HID1: variants seen among roughly 807,000 people sequenced by gnomAD.
HID1 encodes protein HID1.
HID1 carries 42 observed loss-of-function variants against 89.7 expected under a neutral mutation model. That is an observed-to-expected ratio of 0.47 (90% CI 0.37 to 0.61). The LOEUF is 0.61. HID1 is among the 20% of genes least tolerant of loss of function. The pLI is 0.00. For synonymous variants in HID1, 442 were observed against 433.8 expected (o/e 1.02, Z -0.24); for missense variants, 854 against 1,039.3 (o/e 0.82, Z 2.45).
At chr17:74,963,217 G>A in intron 3 of HID1, 136 bp from the exon 4 acceptor site, 6 of 615,660 alleles carry the variant, frequency 9.7e-6, no homozygotes, top group South Asian at 6.3e-5. Flanking sequence ...GACAGGAAGT[G>A]GACTCCTGGT....
At position 74,953,380 on chromosome 17, in the gene HID1, C is replaced by CA. The variant is rs145069549; in HGVS notation, c.1971+164dup. On this transcript the variant is annotated intron_variant, in intron 15 of 18. Coordinates refer to ENST00000425042, the MANE Select transcript of HID1 (RefSeq NM_030630.3). ...AAGGGAGGGGTCTGTGAAAGGCCCCCACCCCCAAGGGAGTCAGCAGCGCTG... is the reference window on the plus strand; with the variant it reads ...AAGGGAGGGGTCTGTGAAAGGCCCCCAACCCCCAAGGGAGTCAGCAGCGCTG... 6.6e-3 allele frequency among the ~76,000 whole-genome samples: 1,000 copies of CA among 152,276 alleles called. 11 individuals are homozygous for CA. The highest frequency in any genetic ancestry group is 0.023 in the African/African-American group (939 of 41,554).
intron 3 of HID1, chr17:74,963,426 A>G (rs2039515087): frequency 4.1e-6 from 2 of 491,382 alleles, no homozygotes; most frequent in Non-Finnish European, 3.6e-6. Context: ...TGGGGGAGAG[A>G]GGACAGTGTG....
Position 74,953,974 on chromosome 17 carries a change from G to C in HID1, c.1864+164C>G, listed in dbSNP as rs548724871. On this transcript the variant is annotated intron_variant, in intron 14 of 18. Coordinates refer to ENST00000425042, the MANE Select transcript of HID1 (RefSeq NM_030630.3). Reference sequence around the variant, plus strand: ...CCCAACACCAAGCTACATATGCTAAGCCCATCCAGTACCCTCCCCCCATCC... The same window carrying C: ...CCCAACACCAAGCTACATATGCTAACCCCATCCAGTACCCTCCCCCCATCC... 1.5e-4 allele frequency among the ~76,000 whole-genome samples: 23 copies of C among 152,014 alleles called. No individual in the cohort carries two copies. Among genetic ancestry groups the C allele is most frequent in the Admixed American group, 7.9e-4 (12 of 15,262 alleles).
chr17:74,967,195 C>T (rs552555373), intron 1 of HID1, among the ~76,000 whole-genome samples: 1 of 151,976 alleles, frequency 6.6e-6, no homozygotes, highest in African/African-American at 2.4e-5. Flanking sequence ...CAAGATCGTG[C>T]CACTACACTC....
intron 6 of HID1, 98 bp downstream of exon 6, chr17:74,961,775 C>A: frequency 1.6e-6 from 1 of 619,704 alleles, no homozygotes; most frequent in East Asian, 3.1e-5. Flanking sequence ...GGGGGCAGCA[C>A]CTCCCCTCAA....
In HID1 at chr17:74,958,082, G is replaced by A. The variant is rs774327887; in HGVS notation, c.1471+59C>T. ...GAAACCTGGAGCAAGTGGCAGGTTG[G>A]CCTGTGGCCTGACACCACCTGGTGG... On this transcript the variant is annotated intron_variant, in intron 12 of 18. Transcript: ENST00000425042. This position sits in a 1 kb window ranked among gnomAD's most constrained non-coding sequence, Gnocchi z 5.2. 6 of 1,491,718 alleles carry A rather than the reference G, an allele frequency of 4.0e-6. No individual in the cohort carries two copies. The highest frequency in any genetic ancestry group is 2.2e-4 in the Middle Eastern group (1 of 4,590). The allele number at this position is 1,491,718 out of a possible 1,614,324, so 92.4% of individuals were successfully genotyped here.
At chr17:74,963,252 G>A (rs1388212320) in intron 3 of HID1, 171 bp from the exon 4 acceptor site, 1 of 569,410 alleles carries the variant, frequency 1.8e-6, no homozygotes, top group Non-Finnish European at 3.1e-6. Context: ...CAAGGCAGAA[G>A]TGGGGCACAG....
At chr17:74,953,720 CT>C (rs573818952) in intron 14 of HID1, 69 bp from the exon 15 acceptor site, 2,155 of 1,264,178 alleles carry the variant, frequency 1.7e-3, no homozygotes, top group Admixed American at 2.8e-3. Flanking sequence ...CCTCCACCCA[CT>C]TTTTTATTTT....
Position 74,962,114 on chromosome 17 carries a change from C to T in HID1, c.611+120G>A, listed in dbSNP as rs2039490597. ...TTACTCCCGTTGACCCCTGTAAGGTCAAGGTCGGGTCATAGGTGAGGACGG... is the reference window on the plus strand; with the variant it reads ...TTACTCCCGTTGACCCCTGTAAGGTTAAGGTCGGGTCATAGGTGAGGACGG... On this transcript the variant is annotated intron_variant, in intron 5 of 18. Transcript: ENST00000425042. This position sits in a 1 kb window ranked among gnomAD's most constrained non-coding sequence, Gnocchi z 4.3. 8.8e-7 allele frequency: 1 copy of T among 1,132,254 alleles called. No individual in the cohort carries two copies. The highest frequency in any genetic ancestry group is 1.3e-6 in the Non-Finnish European group (1 of 794,190). The allele number at this position is 1,132,254 out of a possible 1,614,324, so 70.1% of individuals were successfully genotyped here.
At chr17:74,969,892 C>T (rs1473410963) in intron 1 of HID1, among the ~76,000 whole-genome samples, 1 of 151,390 alleles carries the variant, frequency 6.6e-6, no homozygotes, top group South Asian at 2.1e-4. Flanking sequence ...TGAGCCACCA[C>T]GCCTGGCCAA....
Position 74,959,867 on chromosome 17 carries a change from G to A in HID1, c.1008+14C>T. ...CCCTGCACCCTGCAAAGCCACTGTG[G>A]GGACTGGACTTGCCTCCTCACGATG... On this transcript the variant is annotated intron_variant, in intron 8 of 18. Coordinates refer to ENST00000425042, the MANE Select transcript of HID1 (RefSeq NM_030630.3). The surrounding 1 kb of genome is among the most constrained non-coding windows in gnomAD (Gnocchi z 4.6). The A allele has an allele frequency of 6.2e-7, 1 of 1,613,488 alleles. No individual in the cohort carries two copies. The highest frequency in any genetic ancestry group is 8.5e-7 in the Non-Finnish European group (1 of 1,179,886).
chr17:74,960,697 G>C (rs958669121), intron 6 of HID1, among the ~76,000 whole-genome samples: 6 of 152,260 alleles, frequency 3.9e-5, no homozygotes, highest in African/African-American at 1.2e-4. Flanking sequence ...GAAAACTCTG[G>C]CCAGCCTCGG....
Position 74,954,158 on chromosome 17 carries a change from G to A in HID1, c.1844C>T (p.Thr615Ile), listed in dbSNP as rs1013861015. 2.4e-5 allele frequency: 38 copies of A among 1,601,058 alleles called. No individual in the cohort carries two copies. The highest frequency in any genetic ancestry group is 3.2e-5 in the Non-Finnish European group (38 of 1,175,050). Residue 615 changes from threonine (T) to isoleucine (I), a missense_variant, in exon 14 of 19, where the codon ACC (threonine) becomes ATC (isoleucine). Coordinates refer to ENST00000425042, the MANE Select transcript of HID1 (RefSeq NM_030630.3). Reference sequence around the variant, plus strand: ...CAGACCTGGAGTAGCCACCAGACTGGTCTTGAGGGTGCCTGGCTCTGCAGG... The same window carrying A: ...CAGACCTGGAGTAGCCACCAGACTGATCTTGAGGGTGCCTGGCTCTGCAGG... ...AAPAEPGTLK[T>I]SLVATPGIDK...
chr17:74,963,523 ACT>A, intron 3 of HID1: 1 of 584,244 alleles, frequency 1.7e-6, no homozygotes, highest in Non-Finnish European at 3.0e-6. Context: ...TCCATACCCT[ACT>A]TCCTCCAGAC....
chr17:74,963,085 G>T lies in HID1; in HGVS notation c.388-4C>A. ...GCTCATCATCCTCTTCTCCCTGCTG[G>T]GGACACAGCACCCACAGGCTGCCTC... On this transcript the variant is annotated splice_region_variant and splice_polypyrimidine_tract_variant and intron_variant, in intron 3 of 18. Transcript: ENST00000425042. 1 of 1,591,452 alleles carries T rather than the reference G, an allele frequency of 6.3e-7. No individual in the cohort carries two copies. Among genetic ancestry groups the T allele is most frequent in the East Asian group, 2.3e-5 (1 of 44,028 alleles).
chr17:74,952,678 C>T (rs930650599), intron 16 of HID1, among the ~76,000 whole-genome samples: 3 of 152,084 alleles, frequency 2.0e-5, no homozygotes, highest in African/African-American at 7.2e-5. Context: ...AGACACAGGG[C>T]GTGGGGATGA....
In HID1 at chr17:74,959,376, C is replaced by T. The variant is rs2144811297; in HGVS notation, c.1009-325G>A. On this transcript the variant is annotated intron_variant, in intron 8 of 18. Coordinates refer to ENST00000425042, the MANE Select transcript of HID1 (RefSeq NM_030630.3). This position sits in a 1 kb window ranked among gnomAD's most constrained non-coding sequence, Gnocchi z 4.6. The stretch of plus-strand genomic sequence containing the variant: ...CAACCTTGTCCCTGCCCACCTTGGA[C>T]TCATGGTTGGCAGGTTCCATCCTTC... Among the ~76,000 whole-genome samples, 1 of 152,278 alleles carries T rather than the reference C, an allele frequency of 6.6e-6. No homozygotes were observed. The highest frequency in any genetic ancestry group is 1.9e-4 in the East Asian group (1 of 5,180).
rs1277671735 is a variant in HID1, at chr17:74,962,418, G to C, written c.505-78C>G. 2.2e-6 allele frequency: 2 copies of C among 921,708 alleles called. No individual in the cohort carries two copies. Among genetic ancestry groups the C allele is most frequent in the Admixed American group, 2.2e-5 (1 of 45,170 alleles). 57.1% of individuals were successfully genotyped at this position (921,708 alleles called of 1,614,324 possible). Reference sequence around the variant, plus strand: ...GCCTGGGTCAGAACCTGGCCACCTCGAGCCTCACACAGTCCCAGGGGCAGA... The same window carrying C: ...GCCTGGGTCAGAACCTGGCCACCTCCAGCCTCACACAGTCCCAGGGGCAGA... On this transcript the variant is annotated intron_variant, in intron 4 of 18. Transcript: ENST00000425042. The surrounding 1 kb of genome is among the most constrained non-coding windows in gnomAD (Gnocchi z 4.3).
In HID1 at chr17:74,958,483, G is replaced by A. The variant is rs181378324; in HGVS notation, c.1241-5C>T. ...TGTGCATCAGGCCCACCCGAGCTGCGGCAGGTGGCGTGGGAGGGGTCACTC... is the reference window on the plus strand; with the variant it reads ...TGTGCATCAGGCCCACCCGAGCTGCAGCAGGTGGCGTGGGAGGGGTCACTC... On this transcript the variant is annotated splice_region_variant and splice_polypyrimidine_tract_variant and intron_variant, in intron 10 of 18. Coordinates refer to ENST00000425042, the MANE Select transcript of HID1 (RefSeq NM_030630.3). This position sits in a 1 kb window ranked among gnomAD's most constrained non-coding sequence, Gnocchi z 5.2. 584 of 1,587,620 alleles carry A rather than the reference G, an allele frequency of 3.7e-4. 2 individuals are homozygous for A. In the African/African-American group the frequency reaches 6.7e-3, roughly 18 times the overall value.
Sources: allele counts gnomAD v4.1 joint callset (sites outside exome capture counted in the v4.1 genomes callset), GRCh38; gene constraint gnomAD v4.1.1; non-coding constraint Gnocchi (gnomAD v3.1); transcripts MANE v1.5; gene names NCBI Gene and HGNC (gene_info 2026-07-23, HGNC 2026-07-21).